DNAH6: variants seen among roughly 807,000 people sequenced by gnomAD.
DNAH6 encodes dynein axonemal heavy chain 6, also known as axonemal beta dynein heavy chain 6.
DNAH6 carries 340 observed loss-of-function variants against 491.4 expected under a neutral mutation model. The observed-to-expected ratio is 0.69, with a 90% CI of 0.63 to 0.76. The LOEUF is 0.76. Among genes scored for constraint, DNAH6 ranks in the 30% least tolerant of loss-of-function variants. The pLI is 0.00. For synonymous variants in DNAH6, 1,603 were observed against 1,686.1 expected (o/e 0.95, Z 1.21); for missense variants, 4,443 against 4,972.2 (o/e 0.89, Z 3.20).
the DNAH6 span, among the ~76,000 whole-genome samples, chr2:84,463,655 T>C: frequency 6.6e-6 from 1 of 152,074 alleles, no homozygotes; most frequent in African/African-American, 2.4e-5. Context: ...CAATTAGAGA[T>C]ATGTGCGGAG....
chr2:84,583,917 G>A lies in DNAH6; in HGVS notation c.2230-82G>A, dbSNP rs1005591995. On this transcript the variant is annotated intron_variant, in intron 14 of 76. Transcript: ENST00000389394. Reference sequence around the variant, plus strand: ...ACTAATACAATGTTCATATTGTACAGTGTCTGTCTCCTGTTAGAACAAACT... The same window carrying A: ...ACTAATACAATGTTCATATTGTACAATGTCTGTCTCCTGTTAGAACAAACT... 118 of 1,368,642 alleles carry A rather than the reference G, an allele frequency of 8.6e-5. 1 individual carries two copies. Among genetic ancestry groups the A allele is most frequent in the Non-Finnish European group, 1.2e-4 (115 of 979,674 alleles). 84.8% of individuals were successfully genotyped at this position (1,368,642 alleles called of 1,614,324 possible). A position where few individuals can be genotyped will look rare whatever the true frequency, so the allele number is the denominator to read the frequency against.
intron 54 of DNAH6, among the ~76,000 whole-genome samples, chr2:84,708,475 A>AGGGG (rs137904290): frequency 2.0e-5 from 1 of 49,672 alleles, no homozygotes; most frequent in Non-Finnish European, 3.6e-5. Flanking sequence ...AAAGAGAGAA[A>AGGGG]GGGGGGGGGG....
chr2:84,475,031 G>T, the DNAH6 span, among the ~76,000 whole-genome samples: 1 of 152,206 alleles, frequency 6.6e-6, no homozygotes. Context: ...CCCTGGGGAG[G>T]CAGACCACGG....
chr2:84,819,472 G>T lies in DNAH6; in HGVS notation c.*64G>T. The T allele has an allele frequency of 1.8e-6, 2 of 1,082,878 alleles. No homozygotes were observed. Among genetic ancestry groups the T allele is most frequent in the Non-Finnish European group, 2.7e-6 (2 of 745,202 alleles). The allele number at this position is 1,082,878 out of a possible 1,614,324, so 67.1% of individuals were successfully genotyped here. Reference sequence around the variant, plus strand: ...AGATCTTTCCTAATGGGAGCAAAAGGTTTGAATAATTTATATGTGAGCAAA... The same window carrying T: ...AGATCTTTCCTAATGGGAGCAAAAGTTTTGAATAATTTATATGTGAGCAAA... On this transcript the variant is annotated 3_prime_UTR_variant, in exon 77 of 77. Transcript: ENST00000389394.
At chr2:84,473,816 A>C in the DNAH6 span, among the ~76,000 whole-genome samples, 2 of 152,228 alleles carry the variant, frequency 1.3e-5, no homozygotes, top group Non-Finnish European at 2.9e-5. Context: ...TAACCCTGTC[A>C]TATCTACAGC....
intron 33 of DNAH6, among the ~76,000 whole-genome samples, chr2:84,648,009 A>G (rs1344209818): frequency 6.6e-6 from 1 of 152,222 alleles, no homozygotes; most frequent in Non-Finnish European, 1.5e-5. Context: ...GATGATTCTA[A>G]TGTTAGTTCT....
intron 51 of DNAH6, among the ~76,000 whole-genome samples, chr2:84,704,780 C>T (rs1430721094): frequency 6.6e-6 from 1 of 152,198 alleles, no homozygotes; most frequent in Non-Finnish European, 1.5e-5. Flanking sequence ...CAGATTTCAT[C>T]TTGGAGATAT....
At chr2:84,530,129 C>T (rs1212715820) in intron 4 of DNAH6, among the ~76,000 whole-genome samples, 1 of 152,090 alleles carries the variant, frequency 6.6e-6, no homozygotes, top group Non-Finnish European at 1.5e-5. Flanking sequence ...CATTAGTAAA[C>T]CATCCATATC....
chr2:84,701,338 C>T lies in DNAH6; in HGVS notation c.8060C>T (p.Ser2687Leu). ...MLSEKRKQIISARDRVKNGLT... is the reference protein window; with the variant it reads ...MLSEKRKQIILARDRVKNGLT... ...TCTGAAAAAAGGAAGCAGATTATTTCAGTAGGTTCAATATTATCCATGAAA... is the reference window on the plus strand; with the variant it reads ...TCTGAAAAAAGGAAGCAGATTATTTTAGTAGGTTCAATATTATCCATGAAA... The change falls in exon 49 of 77, where the codon TCA (serine) becomes TTA (leucine). Residue 2687 changes from serine to leucine, a missense_variant and splice_region_variant. Transcript: ENST00000389394. 1 of 1,547,548 alleles carries T rather than the reference C, an allele frequency of 6.5e-7. No individual in the cohort carries two copies. Among genetic ancestry groups the T allele is most frequent in the Non-Finnish European group, 8.7e-7 (1 of 1,144,116 alleles).
chr2:84,741,726 TCC>T, intron 62 of DNAH6, among the ~76,000 whole-genome samples: 1 of 152,252 alleles, frequency 6.6e-6, no homozygotes, highest in Non-Finnish European at 1.5e-5. Flanking sequence ...TGTCTGTAAA[TCC>T]CCAGGATCTG....
chr2:84,680,819 T>C (rs1314921249), intron 41 of DNAH6, among the ~76,000 whole-genome samples: 1 of 152,030 alleles, frequency 6.6e-6, no homozygotes, highest in Admixed American at 6.6e-5. Context: ...GTGTTCAAGA[T>C]TGATTTTGCA....
At chr2:84,600,918 G>C (rs1573173656) in intron 18 of DNAH6, among the ~76,000 whole-genome samples, 1 of 146,732 alleles carries the variant, frequency 6.8e-6, no homozygotes, top group Non-Finnish European at 1.5e-5. Flanking sequence ...TTTGTATCCA[G>C]ATTTTCATTT....
rs1351172125 is a variant in DNAH6, at chr2:84,705,662, T to C, written c.8642T>C (p.Met2881Thr). The change falls in exon 52 of 77, where the codon ATG becomes ACG. Residue 2881 changes from methionine (M) to threonine (T), a missense_variant. By Grantham distance (81) the Met-to-Thr change is moderately conservative. Coordinates refer to ENST00000389394, the MANE Select transcript of DNAH6 (RefSeq NM_001370.2). ...VEKVSKACKS[M>T]CMWVRAMDLY... ...AAAGTGTCCAAAGCATGTAAATCTATGTGCATGTGGGTAAGAGCTATGGAT... is the reference window on the plus strand; with the variant it reads ...AAAGTGTCCAAAGCATGTAAATCTACGTGCATGTGGGTAAGAGCTATGGAT... The C allele has an allele frequency of 1.2e-5, 19 of 1,551,624 alleles. No homozygotes were observed. The South Asian group carries it at 2.3e-4, about 18-fold the overall frequency.
At chr2:84,591,328 G>T (rs1021013906) in intron 16 of DNAH6, among the ~76,000 whole-genome samples, 1 of 151,806 alleles carries the variant, frequency 6.6e-6, no homozygotes, top group Non-Finnish European at 1.5e-5. Context: ...AAAAGATAAA[G>T]AAAACAATTT....
At chr2:84,666,951 T>G (rs1450724170) in intron 37 of DNAH6, among the ~76,000 whole-genome samples, 1 of 152,174 alleles carries the variant, frequency 6.6e-6, no homozygotes, top group East Asian at 1.9e-4. Flanking sequence ...ACCACACTTC[T>G]ACAACCATCT....
chr2:84,543,020 A>G (rs1228908546), intron 4 of DNAH6, among the ~76,000 whole-genome samples: 1 of 152,102 alleles, frequency 6.6e-6, no homozygotes, highest in African/African-American at 2.4e-5. Flanking sequence ...TTAGCCGGGC[A>G]TAGTGGCAGG....
intron 61 of DNAH6, among the ~76,000 whole-genome samples, chr2:84,731,984 C>A (rs1001877277): frequency 6.6e-6 from 1 of 152,118 alleles, no homozygotes; most frequent in African/African-American, 2.4e-5. Flanking sequence ...GGGAAAGAAA[C>A]TATCAAAAAG....
At position 84,654,723 on chromosome 2, in the gene DNAH6, C is replaced by T. The variant is rs781350255; in HGVS notation, c.5698C>T (p.Pro1900Ser). The T allele has an allele frequency of 6.4e-7, 1 of 1,551,166 alleles. No homozygotes were observed. Among genetic ancestry groups the T allele is most frequent in the Admixed American group, 2.0e-5 (1 of 50,964 alleles). The change falls in exon 35 of 77, where the codon CCT becomes TCT. Residue 1900 changes from proline to serine, a missense_variant. Transcript: ENST00000389394. The stretch of plus-strand genomic sequence containing the variant: ...TCGATGTGGAATGGTGTTTGTGGAT[C>T]CTGAAGAACTGAAATGGATGCCTTA... ...VSRCGMVFVD[P>S]EELKWMPYVK...
chr2:84,795,314 T>TAAC (rs1678236949), intron 68 of DNAH6, among the ~76,000 whole-genome samples: 1 of 151,938 alleles, frequency 6.6e-6, no homozygotes, highest in African/African-American at 2.4e-5. Context: ...ACTTAAAGTG[T>TAAC]AATAATAATA....
Sources: allele counts gnomAD v4.1 joint callset (sites outside exome capture counted in the v4.1 genomes callset), GRCh38; gene constraint gnomAD v4.1.1; transcripts MANE v1.5; gene names NCBI Gene and HGNC (gene_info 2026-07-23, HGNC 2026-07-21).